Variants in TCF12 observed in about 807,000 individuals in gnomAD.
TCF12 encodes the protein DNA-binding protein HTF4.
TCF12 carries 45 observed loss-of-function variants against 86.0 expected under a neutral mutation model. The ratio of observed to expected loss-of-function variants is 0.52; its 90% CI spans 0.41 to 0.67. TCF12 has a LOEUF of 0.67. Ranked by LOEUF, TCF12 falls within the 30% of genes least tolerant of loss-of-function variation. TCF12 has a pLI of 0.00. For missense variants in TCF12, 881 were observed against 859.9 expected, an observed-to-expected ratio of 1.02 and a Z score of -0.31; for synonymous variants, 330 against 299.6, an observed-to-expected ratio of 1.10 and a Z score of -1.05.
chr15:56,973,664 T>A (rs1394131002), intron 3 of TCF12, among the ~76,000 whole-genome samples: 2 of 152,078 alleles, frequency 1.3e-5, no homozygotes, highest in East Asian at 3.8e-4. Context: ...ACTACCAAAG[T>A]GAAAGTTTGA....
chr15:57,114,492 C>G (rs562254361), intron 5 of TCF12, among the ~76,000 whole-genome samples: 6 of 152,012 alleles, frequency 3.9e-5, no homozygotes, highest in African/African-American at 1.4e-4. Context: ...GAGATGGGGT[C>G]TCAGTTTGTT....
At chr15:56,974,360 TGTG>T in intron 3 of TCF12, among the ~76,000 whole-genome samples, 1 of 152,232 alleles carries the variant, frequency 6.6e-6, no homozygotes, top group East Asian at 1.9e-4. Context: ...ATAAAGTAAT[TGTG>T]GTAAAATGTT....
At chr15:57,162,841 A>T (rs531710647) in intron 5 of TCF12, among the ~76,000 whole-genome samples, 79 of 151,514 alleles carry the variant, frequency 5.2e-4, no homozygotes, top group Non-Finnish European at 9.7e-4. Flanking sequence ...TTTTTTTTTT[A>T]AAGAGTTCTT....
At chr15:57,231,308 A>G (rs967559779) in intron 9 of TCF12, 51 bp downstream of exon 9, 2 of 1,321,576 alleles carry the variant, frequency 1.5e-6, no homozygotes, top group African/African-American at 1.5e-5. Context: ...TCTGTATATC[A>G]GCCAGTATTT....
intron 3 of TCF12, among the ~76,000 whole-genome samples, chr15:56,939,822 G>C (rs1374009638): frequency 2.6e-5 from 4 of 152,128 alleles, no homozygotes; most frequent in African/African-American, 9.7e-5. Flanking sequence ...ATGTTCCCTT[G>C]TGTTCTTACT....
At chr15:57,121,886 G>C (rs992580695) in intron 5 of TCF12, among the ~76,000 whole-genome samples, 3 of 152,050 alleles carry the variant, frequency 2.0e-5, no homozygotes, top group Non-Finnish European at 2.9e-5. Context: ...AGATTCTTTG[G>C]AGTTTTGTGG....
intron 3 of TCF12, among the ~76,000 whole-genome samples, chr15:56,950,277 G>GTGCAGTGGC (rs1188744677): frequency 6.6e-6 from 1 of 152,160 alleles, no homozygotes; most frequent in Admixed American, 6.5e-5. Flanking sequence ...CCAGGCTGGA[G>GTGCAGTGGC]TGCAGTGGCA....
chr15:57,015,073 G>A (rs1450256907), intron 3 of TCF12, among the ~76,000 whole-genome samples: 1 of 152,004 alleles, frequency 6.6e-6, no homozygotes, highest in Non-Finnish European at 1.5e-5. Context: ...CAGATTGCTT[G>A]GGCTCAGGAG....
intron 4 of TCF12, among the ~76,000 whole-genome samples, chr15:57,089,136 C>G (rs1304469441): frequency 6.6e-6 from 1 of 152,174 alleles, no homozygotes; most frequent in Non-Finnish European, 1.5e-5. Context: ...CTCCCAGCAT[C>G]AGTTTGCACC....
At chr15:57,203,195 A>G (rs2057640320) in intron 8 of TCF12, among the ~76,000 whole-genome samples, 1 of 152,218 alleles carries the variant, frequency 6.6e-6, no homozygotes, top group Non-Finnish European at 1.5e-5. Flanking sequence ...TGTTGAATCA[A>G]ATCCGGCTGC....
chr15:56,950,753 T>C (rs1489884547), intron 3 of TCF12, among the ~76,000 whole-genome samples: 3 of 141,688 alleles, frequency 2.1e-5, no homozygotes, highest in East Asian at 2.0e-4. Flanking sequence ...ATGTTTTTTT[T>C]TTTTTTTTTT....
intron 3 of TCF12, among the ~76,000 whole-genome samples, chr15:56,959,679 C>A (rs1164566146): frequency 6.6e-6 from 1 of 152,110 alleles, no homozygotes. Context: ...ATTGAAGTTT[C>A]TTGTTTTGAC....
intron 3 of TCF12, among the ~76,000 whole-genome samples, chr15:57,040,276 A>G (rs1438236234): frequency 6.6e-6 from 1 of 152,250 alleles, no homozygotes; most frequent in Non-Finnish European, 1.5e-5. Flanking sequence ...GATTTTGTTT[A>G]TAACGTGGGC....
At chr15:57,096,302 C>T (rs2049318380) in intron 5 of TCF12, among the ~76,000 whole-genome samples, 1 of 151,956 alleles carries the variant, frequency 6.6e-6, no homozygotes, top group African/African-American at 2.4e-5. Context: ...ACCCCAAAAT[C>T]ACATTAGGCA....
Position 57,187,772 on chromosome 15 carries a change from A to G in TCF12, c.391-4386A>G, listed in dbSNP as rs527827580. On this transcript the variant is annotated intron_variant, in intron 6 of 20. Transcript: ENST00000333725. ...TGGTGAAACCCCATCTCTATGAAAA[A>G]TACAAAAATTAGCCGGACATGGTGG... Among the ~76,000 whole-genome samples, 284 of 152,220 alleles carry G rather than the reference A, an allele frequency of 1.9e-3. 1 individual carries two copies. Among genetic ancestry groups the G allele is most frequent in the African/African-American group, 6.6e-3 (274 of 41,536 alleles).
At chr15:56,919,476 T>TCGCATCTC (rs1402636940) in intron 1 of TCF12, 1 of 156,818 alleles carries the variant, frequency 6.4e-6, no homozygotes, top group Non-Finnish European at 1.4e-5. Context: ...GTGAGTCACT[T>TCGCATCTC]CGCATCTCCG....
intron 5 of TCF12, among the ~76,000 whole-genome samples, chr15:57,103,802 C>A (rs540870085): frequency 6.6e-6 from 1 of 152,026 alleles, no homozygotes; most frequent in South Asian, 2.1e-4. Context: ...GTCAGGAGTT[C>A]GAGACCAGCC....
At chr15:57,004,941 G>T (rs1436138567) in intron 3 of TCF12, among the ~76,000 whole-genome samples, 1 of 152,114 alleles carries the variant, frequency 6.6e-6, no homozygotes, top group Non-Finnish European at 1.5e-5. Flanking sequence ...TAGAGTATTA[G>T]CTATACTATA....
chr15:57,087,930 C>A (rs1306101342), intron 4 of TCF12, among the ~76,000 whole-genome samples: 1 of 152,110 alleles, frequency 6.6e-6, no homozygotes, highest in Admixed American at 6.5e-5. Context: ...ATCTTAGTTG[C>A]TATTAACAGA....
Sources: allele counts gnomAD v4.1 joint callset (sites outside exome capture counted in the v4.1 genomes callset), GRCh38; gene constraint gnomAD v4.1.1; transcripts MANE v1.5; gene names NCBI Gene and HGNC (gene_info 2026-07-23, HGNC 2026-07-21).